Variants in PHF13 observed in about 807,000 individuals in gnomAD.
PHF13 encodes the protein PHD finger protein 13.
A neutral mutation model predicts 25.8 loss-of-function variants in PHF13; 1 was observed. That is an observed-to-expected ratio of 0.04 (90% CI 0.01 to 0.18). The LOEUF is 0.18. Among genes scored for constraint, PHF13 ranks in the 10% least tolerant of loss-of-function variants. The pLI, the probability that PHF13 is intolerant of heterozygous loss-of-function variation, is 1.00. For missense variants in PHF13, 306 were observed against 403.2 expected (o/e 0.76, Z 2.06); for synonymous variants, 195 against 162.4 (o/e 1.20, Z -1.53).
intron 1 of PHF13, among the ~76,000 whole-genome samples, chr1:6,616,437 C>T (rs747854220): frequency 6.6e-5 from 10 of 152,198 alleles, no homozygotes; most frequent in African/African-American, 1.2e-4. Flanking sequence ...AGAGCTTCGC[C>T]TGATAGGCCT....
chr1:6,622,046 A>G lies in PHF13; in HGVS notation c.*409A>G. On this transcript the variant is annotated 3_prime_UTR_variant, in exon 4 of 4. Transcript: ENST00000377648. Reference sequence around the variant, plus strand: ...CGGTTTCCCCAGCCTGTTAATGAACAGCCATACGTGTAAGCTTTTTCTTGA... The same window carrying G: ...CGGTTTCCCCAGCCTGTTAATGAACGGCCATACGTGTAAGCTTTTTCTTGA... The G allele has an allele frequency of 7.2e-6, 2 of 279,368 alleles. No individual in the cohort carries two copies. Among genetic ancestry groups the G allele is most frequent in the South Asian group, 8.2e-5 (2 of 24,520 alleles). The allele number at this position is 279,368 out of a possible 1,614,324, so 17.3% of individuals were successfully genotyped here.
rs554355809 is a variant in PHF13, at chr1:6,623,276, C to A, written c.*1639C>A. On this transcript the variant is annotated 3_prime_UTR_variant, in exon 4 of 4. Transcript: ENST00000377648. ...TCTTATTTTTTTAAAAGTTCTGTTG[C>A]TTGTATTAACACGAAACTAGAGAGA... 2.2e-4 allele frequency: 33 copies of A among 152,602 alleles called. 1 individual carries two copies. The highest frequency in any genetic ancestry group is 2.2e-3 in the Admixed American group (33 of 15,298). 9.5% of individuals were successfully genotyped at this position (152,602 alleles called of 1,614,324 possible).
intron 1 of PHF13, among the ~76,000 whole-genome samples, chr1:6,615,007 C>T (rs111712550): frequency 0.019 from 2,939 of 151,468 alleles, 45 homozygotes; most frequent in Non-Finnish European, 0.028. Context: ...CTGCCTGGCG[C>T]ACCCCCCTCA....
chr1:6,618,925 G>C (rs1467705377), intron 2 of PHF13, among the ~76,000 whole-genome samples: 1 of 152,154 alleles, frequency 6.6e-6, no homozygotes, highest in Non-Finnish European at 1.5e-5. Context: ...GGGATTACAG[G>C]TGTGAGCCCC....
chr1:6,615,213 C>G (rs1430277598), intron 1 of PHF13, among the ~76,000 whole-genome samples: 2 of 152,084 alleles, frequency 1.3e-5, no homozygotes, highest in South Asian at 4.1e-4. Flanking sequence ...GCCCCCGGCC[C>G]GAGGCCGTCG....
intron 1 of PHF13, among the ~76,000 whole-genome samples, chr1:6,616,302 C>T (rs1437006489): frequency 1.3e-5 from 2 of 152,176 alleles, no homozygotes; most frequent in Non-Finnish European, 2.9e-5. Context: ...GCTGGGATTA[C>T]AGACGAGAGC....
At chr1:6,619,697 G>T in intron 2 of PHF13, 106 bp from the exon 3 acceptor site, 1 of 1,165,998 alleles carries the variant, frequency 8.6e-7, no homozygotes, top group Non-Finnish European at 1.2e-6. Flanking sequence ...GCTCAAAGTT[G>T]TGCAGATGTC....
In PHF13 at chr1:6,621,573, C is replaced by T. The variant is rs1641340994; in HGVS notation, c.839C>T (p.Ser280Phe). 1 of 1,614,208 alleles carries T rather than the reference C, an allele frequency of 6.2e-7. No individual in the cohort carries two copies. Among genetic ancestry groups the T allele is most frequent in the Non-Finnish European group, 8.5e-7 (1 of 1,180,040 alleles). ...TTTGTCTGCCAAAAGTGCCGGGACT[C>T]CAAGTTTGACATCCGCCGTTCCAAC... ...EVFVCQKCRD[S>F]KFDIRRSNRS... The change falls in exon 4 of 4, where the codon TCC (serine) becomes TTC (phenylalanine). Residue 280 changes from serine (S) to phenylalanine (F), a missense_variant. Physicochemically the swap from Ser to Phe is radical, Grantham distance 155. Around this residue, in one of 5 missense-constraint regions of PHF13, gnomAD observed 40 missense variants for 71.6 expected, o/e 0.56. Transcript: ENST00000377648. This position sits in a 1 kb window ranked among gnomAD's most constrained non-coding sequence, Gnocchi z 4.8.
At chr1:6,614,429 C>A in intron 1 of PHF13, 1 of 346,662 alleles carries the variant, frequency 2.9e-6, no homozygotes, top group South Asian at 3.7e-5. Context: ...GCCCCCAGCC[C>A]CTCCCCGCCG....
rs1435228956 is a variant in PHF13, at chr1:6,613,829, C to T, written c.-238C>T. The T allele has an allele frequency of 5.7e-6, 2 of 350,822 alleles. No homozygotes were observed. The highest frequency in any genetic ancestry group is 1.0e-5 in the Non-Finnish European group (2 of 191,128). The allele number at this position is 350,822 out of a possible 1,614,324, so 21.7% of individuals were successfully genotyped here. A position where few individuals can be genotyped will look rare whatever the true frequency, so the allele number is the denominator to read the frequency against. On this transcript the variant is annotated 5_prime_UTR_variant, in exon 1 of 4. Coordinates refer to ENST00000377648, the MANE Select transcript of PHF13 (RefSeq NM_153812.3). ...CGCCGCCGCCCCCTGCAGCCACTCT[C>T]CCGCCTCTACCGCCGCGGGAGCTGC...
chr1:6,617,707 C>A (rs112962909), intron 2 of PHF13, among the ~76,000 whole-genome samples: 2,372 of 152,242 alleles, frequency 0.016, 33 homozygotes, highest in East Asian at 0.036. Context: ...GGATTACAAG[C>A]GTTGAGCCAC....
chr1:6,614,827 G>C (rs1259411067), intron 1 of PHF13, among the ~76,000 whole-genome samples: 1 of 150,438 alleles, frequency 6.6e-6, no homozygotes. Flanking sequence ...CGGGGCTCCC[G>C]GCCTCCCCCC....
chr1:6,614,453 T>C, intron 1 of PHF13: 2 of 216,460 alleles, frequency 9.2e-6, no homozygotes, highest in Non-Finnish European at 1.8e-5. Flanking sequence ...TGCTTACTCT[T>C]TCCCCGCCCC....
At chr1:6,618,330 G>A (rs1180672293) in intron 2 of PHF13, among the ~76,000 whole-genome samples, 5 of 152,120 alleles carry the variant, frequency 3.3e-5, no homozygotes, top group Admixed American at 3.3e-4. Context: ...ACAAGGTTTC[G>A]CCATGTTGCC....
At chr1:6,616,324 G>A (rs1641260440) in intron 1 of PHF13, among the ~76,000 whole-genome samples, 1 of 152,152 alleles carries the variant, frequency 6.6e-6, no homozygotes, top group Non-Finnish European at 1.5e-5. Flanking sequence ...ACCGCGCCCG[G>A]CGAGTGGTTG....
chr1:6,616,457 A>G (rs1641262165), intron 1 of PHF13, among the ~76,000 whole-genome samples: 1 of 152,248 alleles, frequency 6.6e-6, no homozygotes, highest in Non-Finnish European at 1.5e-5. Flanking sequence ...TGTGGAAACT[A>G]ATAGATAAAG....
chr1:6,621,282 A>T lies in PHF13; in HGVS notation c.677-129A>T. 1.1e-6 allele frequency: 1 copy of T among 940,820 alleles called. No homozygotes were observed. The highest frequency in any genetic ancestry group is 1.6e-6 in the Non-Finnish European group (1 of 609,672). 58.3% of individuals were successfully genotyped at this position (940,820 alleles called of 1,614,324 possible). On this transcript the variant is annotated intron_variant, in intron 3 of 3. Transcript: ENST00000377648. This position sits in a 1 kb window ranked among gnomAD's most constrained non-coding sequence, Gnocchi z 4.8. ...GAGCCCCTCGTGCCTTTTCAGAGAG[A>T]AGTGTCAGCTTCGAGTGGCAGTTGG...
intron 3 of PHF13, 89 bp downstream of exon 3, chr1:6,620,426 G>A: frequency 7.0e-7 from 1 of 1,423,040 alleles, no homozygotes. Context: ...CTGGGGCACA[G>A]GGTCTGGTGC....
At chr1:6,614,174 CAGACCCCCGGTCGCCCGG>C in intron 1 of PHF13, 69 bp downstream of exon 1, 1 of 1,506,328 alleles carries the variant, frequency 6.6e-7, no homozygotes, top group Non-Finnish European at 9.1e-7. Context: ...CTCAGGCAGC[CAGACCCCCGGTCGCCCGG>C]AGCGCCGCCC....
Sources: allele counts gnomAD v4.1 joint callset (sites outside exome capture counted in the v4.1 genomes callset), GRCh38; gene constraint gnomAD v4.1.1; regional missense constraint gnomAD v4.1.1; non-coding constraint Gnocchi (gnomAD v3.1); transcripts MANE v1.5; gene names NCBI Gene and HGNC (gene_info 2026-07-23, HGNC 2026-07-21).